The following SEC61G variants were observed in gnomAD, a reference collection of about 807,000 sequenced individuals.
SEC61G encodes the protein protein transport protein Sec61 subunit gamma.
In SEC61G, 4 loss-of-function variants were observed where a neutral mutation model predicts 7.5. The observed-to-expected ratio is 0.54, with a 90% confidence interval of 0.26 to 1.22. The LOEUF (loss-of-function observed/expected upper bound fraction) is 1.22, where lower values mean the gene tolerates loss of function less well. SEC61G is among the 50% of genes most tolerant of loss of function. The pLI, the probability that SEC61G is intolerant of heterozygous loss-of-function variation, is 0.12. For missense variants in SEC61G, 53 were observed against 84.6 expected, an observed-to-expected ratio of 0.63 and a Z score of 1.46; for synonymous variants, 24 against 24.4, an observed-to-expected ratio of 0.98 and a Z score of 0.05.
At chr7:54,756,641 AG>A (rs1444805775) in intron 2 of SEC61G, among the ~76,000 whole-genome samples, 2 of 152,198 alleles carry the variant, frequency 1.3e-5, no homozygotes, top group African/African-American at 2.4e-5. Flanking sequence ...CAACAGAGTG[AG>A]ACTCTGTCTG....
Position 54,755,838 on chromosome 7 carries a change from T to G in SEC61G, c.138A>C (p.Ile46=), listed in dbSNP as rs1791503102. ...IAMATAIGFA[I]MGFIGFFVKL... is the part of the protein sequence containing the mutation. ...TCACAAAGAAGCCAATGAATCCCAT[T>G]ATAGCAAATCCTATTGCTGTTGCCA... The change falls in exon 3 of 4, where the codon ATA becomes ATC. Residue 46 remains isoleucine, a synonymous_variant. Transcript: ENST00000352861. 1 of 1,595,516 alleles carries G rather than the reference T, an allele frequency of 6.3e-7. No homozygotes were observed. The highest frequency in any genetic ancestry group is 8.5e-7 in the Non-Finnish European group (1 of 1,169,748).
intron 3 of SEC61G, among the ~76,000 whole-genome samples, chr7:54,754,213 C>T (rs540862818): frequency 1.3e-5 from 2 of 152,250 alleles, no homozygotes; most frequent in African/African-American, 4.8e-5. Context: ...AAAAGGTGGG[C>T]TTACGTGTTC....
Position 54,752,300 on chromosome 7 carries a change from G to GAA in SEC61G, c.*109_*110dup, listed in dbSNP as rs961180400. The GAA allele has an allele frequency of 1.3e-4, 63 of 491,066 alleles. No individual in the cohort carries two copies. The highest frequency in any genetic ancestry group is 6.4e-4 in the Middle Eastern group (2 of 3,102). The allele number at this position is 491,066 out of a possible 1,614,324, so 30.4% of individuals were successfully genotyped here. A position where few individuals can be genotyped will look rare whatever the true frequency, so the allele number is the denominator to read the frequency against. On this transcript the variant is annotated 3_prime_UTR_variant, in exon 4 of 4. Transcript: ENST00000352861. The stretch of plus-strand genomic sequence containing the variant: ...TTAGAAATAGAAAACATCTTGAAAG[G>GAA]AAAAAAAAAAACCCACAAAACATAC...
Position 54,759,198 on chromosome 7 carries a change from T to C in SEC61G, c.-47A>G, listed in dbSNP as rs207467906. The C allele has an allele frequency of 3.9e-6, 2 of 518,936 alleles. No individual in the cohort carries two copies. The highest frequency in any genetic ancestry group is 7.7e-6 in the Non-Finnish European group (2 of 259,880). 32.1% of individuals were successfully genotyped at this position (518,936 alleles called of 1,614,324 possible). On this transcript the variant is annotated 5_prime_UTR_variant, in exon 1 of 4. Coordinates refer to ENST00000352861, the MANE Select transcript of SEC61G (RefSeq NM_014302.4). ...CTAAAATGCCAGGGACACGTAGCAC[T>C]GGAGCTTGCTGATGGAGGCCCACCG...
chr7:54,755,336 C>G (rs1408707553), intron 3 of SEC61G: 1 of 152,406 alleles, frequency 6.6e-6, no homozygotes, highest in Non-Finnish European at 1.5e-5. Context: ...AGAGGTTAGG[C>G]AAATTGCCTG....
intron 1 of SEC61G, 47 bp from the exon 2 acceptor site, chr7:54,757,641 T>C (rs376594131): frequency 2.1e-6 from 3 of 1,463,142 alleles, no homozygotes; most frequent in Middle Eastern, 1.7e-4. Flanking sequence ...TCTCATACAA[T>C]AAGCACTTGC....
At chr7:54,756,965 C>CTATACTA (rs1791529182) in intron 2 of SEC61G, among the ~76,000 whole-genome samples, 1 of 139,946 alleles carries the variant, frequency 7.1e-6, no homozygotes, top group Non-Finnish European at 1.6e-5. Context: ...ATACTATATA[C>CTATACTA]TATATATACT....
chr7:54,757,700 A>C (rs1245220195), intron 1 of SEC61G, 106 bp from the exon 2 acceptor site: 2 of 793,788 alleles, frequency 2.5e-6, no homozygotes, highest in Admixed American at 2.1e-5. Context: ...TTCACGTCTA[A>C]CATGGGTCAA....
At chr7:54,757,623 G>T in intron 1 of SEC61G, 29 bp from the exon 2 acceptor site, 1 of 1,571,160 alleles carries the variant, frequency 6.4e-7, no homozygotes, top group Non-Finnish European at 8.8e-7. Context: ...ATACTCACTG[G>T]TATTGGTTCT....
intron 3 of SEC61G, among the ~76,000 whole-genome samples, chr7:54,752,840 T>C (rs1791441106): frequency 6.6e-6 from 1 of 152,222 alleles, no homozygotes. Flanking sequence ...CATCTTACCA[T>C]AATCATTCCA....
chr7:54,757,605 CAA>C lies in SEC61G; in HGVS notation c.-6-13_-6-12del. The C allele has an allele frequency of 1.2e-6, 2 of 1,606,992 alleles. No individual in the cohort carries two copies. Among genetic ancestry groups the C allele is most frequent in the Non-Finnish European group, 1.7e-6 (2 of 1,175,258 alleles). On this transcript the variant is annotated splice_polypyrimidine_tract_variant and intron_variant, in intron 1 of 3. Transcript: ENST00000352861. ...CTGATCCATGACTGCCTGTTTAAAA[CAA>C]AAAAGATACTCACTGGTATTGGTTC...
At position 54,759,200 on chromosome 7, in the gene SEC61G, G is replaced by C. The variant is rs1340115362; in HGVS notation, c.-49C>G. ...AAAATGCCAGGGACACGTAGCACTG[G>C]AGCTTGCTGATGGAGGCCCACCGGA... On this transcript the variant is annotated 5_prime_UTR_variant, in exon 1 of 4. Transcript: ENST00000352861. The C allele has an allele frequency of 2.5e-5, 13 of 518,916 alleles. No homozygotes were observed. The East Asian group carries it at 3.3e-4, about 13-fold the overall frequency. The allele number at this position is 518,916 out of a possible 1,614,324, so 32.1% of individuals were successfully genotyped here. A position where few individuals can be genotyped will look rare whatever the true frequency, so the allele number is the denominator to read the frequency against.
chr7:54,757,171 G>A (rs556489021), intron 2 of SEC61G, among the ~76,000 whole-genome samples: 98 of 152,006 alleles, frequency 6.4e-4, no homozygotes, highest in African/African-American at 2.2e-3. Flanking sequence ...TTTGTTCGTT[G>A]GGGTGGGAGC....
chr7:54,759,122 C>A, intron 1 of SEC61G, 36 bp downstream of exon 1: 1 of 514,916 alleles, frequency 1.9e-6, no homozygotes, highest in East Asian at 5.5e-5. Context: ...TGTGGCCGCC[C>A]CGTTCGCCCG....
In SEC61G at chr7:54,754,417, A is replaced by G. The variant is rs1253610287; in HGVS notation, c.197+1362T>C. Among the ~76,000 whole-genome samples the G allele has an allele frequency of 3.3e-5, 5 of 152,338 alleles. No individual in the cohort carries two copies. The East Asian group carries it at 7.7e-4, about 24-fold the overall frequency. ...GCCACTTCTTTTTACTGATTTCCTCATTCTACTTCAGTATTCTCCCCGTGA... is the reference window on the plus strand; with the variant it reads ...GCCACTTCTTTTTACTGATTTCCTCGTTCTACTTCAGTATTCTCCCCGTGA... On this transcript the variant is annotated intron_variant, in intron 3 of 3. Transcript: ENST00000352861.
At chr7:54,753,044 C>T (rs1170950124) in intron 3 of SEC61G, among the ~76,000 whole-genome samples, 2 of 151,562 alleles carry the variant, frequency 1.3e-5, no homozygotes, top group Non-Finnish European at 2.9e-5. Flanking sequence ...AATCTCAGCA[C>T]TCTGGGAGGC....
chr7:54,752,827 C>T (rs1791440707), intron 3 of SEC61G, among the ~76,000 whole-genome samples: 4 of 152,202 alleles, frequency 2.6e-5, no homozygotes, highest in Admixed American at 2.0e-4. Flanking sequence ...TACTCAAGCA[C>T]TGCATCTTAC....
At chr7:54,756,928 TTATATAC>T (rs1160819665) in intron 2 of SEC61G, among the ~76,000 whole-genome samples, 1 of 148,014 alleles carries the variant, frequency 6.8e-6, no homozygotes, top group Non-Finnish European at 1.5e-5. Context: ...ATATACTATA[TTATATAC>T]TATATACTAT....
intron 1 of SEC61G, 42 bp from the exon 2 acceptor site, chr7:54,757,636 T>C (rs764045881): frequency 2.0e-6 from 3 of 1,501,744 alleles, no homozygotes; most frequent in Admixed American, 1.7e-5. Context: ...TTGGTTCTCA[T>C]ACAATAAGCA....
Sources: allele counts gnomAD v4.1 joint callset (sites outside exome capture counted in the v4.1 genomes callset), GRCh38; gene constraint gnomAD v4.1.1; transcripts MANE v1.5; gene names NCBI Gene and HGNC (gene_info 2026-07-23, HGNC 2026-07-21).